The following CACNA1E variants were observed in gnomAD, a reference collection of about 807,000 sequenced individuals.
CACNA1E encodes voltage-dependent R-type calcium channel subunit alpha-1E.
Under a neutral mutation model 259.2 loss-of-function variants are expected in CACNA1E, and 40 were observed. The observed-to-expected ratio is 0.15, with a 90% CI of 0.12 to 0.20. CACNA1E has a LOEUF of 0.20. Among genes scored for constraint, CACNA1E ranks in the 10% least tolerant of loss-of-function variants. CACNA1E has a pLI of 1.00. For missense variants in CACNA1E, 1,874 were observed against 3,040.1 expected, an observed-to-expected ratio of 0.62 and a Z score of 9.02; for synonymous variants, 1,104 against 1,138.5, an observed-to-expected ratio of 0.97 and a Z score of 0.61.
At chr1:181,697,403 G>T (rs1381588570) in intron 7 of CACNA1E, among the ~76,000 whole-genome samples, 2 of 152,178 alleles carry the variant, frequency 1.3e-5, no homozygotes, top group Non-Finnish European at 2.9e-5. Context: ...CAGGTATTTT[G>T]TAGTTTTGTG....
chr1:181,556,234 C>A (rs957592532), intron 3 of CACNA1E, among the ~76,000 whole-genome samples: 1 of 152,140 alleles, frequency 6.6e-6, no homozygotes, highest in Non-Finnish European at 1.5e-5. Context: ...GCAGCAACAC[C>A]CCTGGTCCCT....
chr1:181,709,824 G>A (rs1025960732), intron 7 of CACNA1E, among the ~76,000 whole-genome samples: 1 of 152,244 alleles, frequency 6.6e-6, no homozygotes, highest in Admixed American at 6.5e-5. Context: ...CATTTAATAA[G>A]TAGAACAGCT....
intron 1 of CACNA1E, among the ~76,000 whole-genome samples, chr1:181,370,749 AT>A (rs531564386): frequency 1.1e-4 from 16 of 151,894 alleles, no homozygotes; most frequent in African/African-American, 3.6e-4. Flanking sequence ...ATATGGGTGC[AT>A]TTTTTTTGGT....
intron 1 of CACNA1E, among the ~76,000 whole-genome samples, chr1:181,403,559 T>C (rs1418398437): frequency 1.3e-5 from 2 of 152,136 alleles, no homozygotes; most frequent in Non-Finnish European, 2.9e-5. Flanking sequence ...GAAGTCTCAG[T>C]GTCCATTTAT....
At chr1:181,524,026 A>G (rs1021652396) in intron 3 of CACNA1E, among the ~76,000 whole-genome samples, 6 of 152,230 alleles carry the variant, frequency 3.9e-5, no homozygotes, top group African/African-American at 1.4e-4. Context: ...TTGGGAAGCC[A>G]TGCTGTCCCC....
upstream of CACNA1E, chr1:181,483,389 C>T (rs1245074864): frequency 5.6e-6 from 1 of 180,130 alleles, no homozygotes; most frequent in Non-Finnish European, 1.2e-5. Context: ...CTACTCCACC[C>T]CTCTCCTCTC....
chr1:181,524,066 G>A (rs970968449), intron 3 of CACNA1E, among the ~76,000 whole-genome samples: 6 of 152,182 alleles, frequency 3.9e-5, no homozygotes, highest in Middle Eastern at 3.2e-3. Context: ...CTCTTTGCCA[G>A]TGAGGCCCCA....
At chr1:181,596,634 C>T (rs985083065) in intron 6 of CACNA1E, among the ~76,000 whole-genome samples, 1 of 151,012 alleles carries the variant, frequency 6.6e-6, no homozygotes, top group Non-Finnish European at 1.5e-5. Flanking sequence ...CCTGCAGGCC[C>T]AGGGAGCTCT....
At chr1:181,536,050 TC>T (rs1197318568) in intron 3 of CACNA1E, among the ~76,000 whole-genome samples, 3 of 152,200 alleles carry the variant, frequency 2.0e-5, no homozygotes, top group East Asian at 3.8e-4. Context: ...TAGCATTTTT[TC>T]CTTACTTTTG....
chr1:181,401,285 A>T (rs115683485), intron 1 of CACNA1E, among the ~76,000 whole-genome samples: 209 of 152,196 alleles, frequency 1.4e-3, no homozygotes, highest in Non-Finnish European at 2.1e-3. Context: ...GCTGACCCTG[A>T]CATGATGCAC....
In CACNA1E at chr1:181,758,204, C is replaced by T; in HGVS notation, c.4494+93C>T. Reference sequence around the variant, plus strand: ...GACACCCCAACATCCCAGCCCATCACTGCTTTACCTACTTTTCCATCATTG... The same window carrying T: ...GACACCCCAACATCCCAGCCCATCATTGCTTTACCTACTTTTCCATCATTG... On this transcript the variant is annotated intron_variant, in intron 31 of 47. Transcript: ENST00000367573. The surrounding 1 kb of genome is among the most constrained non-coding windows in gnomAD (Gnocchi z 4.2). 9.2e-7 allele frequency: 1 copy of T among 1,083,004 alleles called. No homozygotes were observed. The highest frequency in any genetic ancestry group is 1.4e-6 in the Non-Finnish European group (1 of 734,284). The allele number at this position is 1,083,004 out of a possible 1,614,324, so 67.1% of individuals were successfully genotyped here. A position where few individuals can be genotyped will look rare whatever the true frequency, so the allele number is the denominator to read the frequency against.
chr1:181,409,612 T>C (rs1431156775), intron 1 of CACNA1E, among the ~76,000 whole-genome samples: 1 of 152,162 alleles, frequency 6.6e-6, no homozygotes, highest in Admixed American at 6.5e-5. Flanking sequence ...GGGGGAAGGC[T>C]AAGTATAGAT....
chr1:181,631,232 T>G (rs148774492), intron 6 of CACNA1E, among the ~76,000 whole-genome samples: 1 of 152,278 alleles, frequency 6.6e-6, no homozygotes, highest in East Asian at 1.9e-4. Flanking sequence ...GTGTGCTGAT[T>G]AGTCTGGGCT....
chr1:181,666,430 T>C (rs1309459499), intron 7 of CACNA1E, among the ~76,000 whole-genome samples: 1 of 152,090 alleles, frequency 6.6e-6, no homozygotes, highest in Non-Finnish European at 1.5e-5. Context: ...CTGATTTAGG[T>C]AAATGAAAAG....
chr1:181,694,343 A>T (rs530988602), intron 7 of CACNA1E, among the ~76,000 whole-genome samples: 8 of 152,328 alleles, frequency 5.3e-5, no homozygotes, highest in Non-Finnish European at 1.2e-4. Context: ...AATAGAAAAG[A>T]ACTTTCTCAG....
chr1:181,580,836 G>T, intron 6 of CACNA1E, 60 bp downstream of exon 6: 1 of 1,527,634 alleles, frequency 6.5e-7, no homozygotes, highest in African/African-American at 1.4e-5. Context: ...GGAGGCTTCT[G>T]TGGTTGTTTG....
rs139605301 is a variant in CACNA1E, at chr1:181,501,626, T to A, written c.267-8851T>A. On this transcript the variant is annotated intron_variant, in intron 1 of 47. Coordinates refer to ENST00000367573, the MANE Select transcript of CACNA1E (RefSeq NM_001205293.3). ...TTTGGGGAGTTCTCTGCCTCTTTGT[T>A]ATGTTCTCAATATTGCTTTATTTGT... Among the ~76,000 whole-genome samples, 93 of 152,306 alleles carry A rather than the reference T, an allele frequency of 6.1e-4. 1 individual carries two copies. Among genetic ancestry groups the A allele is most frequent in the African/African-American group, 2.1e-3 (86 of 41,552 alleles).
intron 4 of CACNA1E, among the ~76,000 whole-genome samples, chr1:181,578,370 C>T (rs1358078129): frequency 2.0e-5 from 3 of 152,044 alleles, no homozygotes; most frequent in Admixed American, 1.3e-4. Flanking sequence ...GTCTGGGCAA[C>T]ATGGTGAAAC....
At chr1:181,418,690 G>T (rs1385543172) in intron 2 of CACNA1E, among the ~76,000 whole-genome samples, 1 of 151,590 alleles carries the variant, frequency 6.6e-6, no homozygotes, top group Non-Finnish European at 1.5e-5. Context: ...TTCTGTTGCT[G>T]GGGCCAGAAA....
Sources: allele counts gnomAD v4.1 joint callset (sites outside exome capture counted in the v4.1 genomes callset), GRCh38; gene constraint gnomAD v4.1.1; non-coding constraint Gnocchi (gnomAD v3.1); transcripts MANE v1.5; gene names NCBI Gene and HGNC (gene_info 2026-07-23, HGNC 2026-07-21).